DNAH14: variants seen among roughly 807,000 people sequenced by gnomAD.
The protein encoded by DNAH14 is dynein axonemal heavy chain 14.
A neutral mutation model predicts 520.9 loss-of-function variants in DNAH14; 478 were observed. That is an observed-to-expected ratio of 0.92 (90% CI 0.85 to 0.99). The LOEUF is 0.99. DNAH14 is among the 50% of genes least tolerant of loss of function. The pLI, the probability that DNAH14 is intolerant of heterozygous loss-of-function variation, is 0.00. For synonymous variants in DNAH14, 1,581 were observed against 1,757.2 expected, an observed-to-expected ratio of 0.90 and a Z score of 2.51; for missense variants, 4,831 against 5,234.5, an observed-to-expected ratio of 0.92 and a Z score of 2.38.
At chr1:224,933,063 A>T (rs2058797135) in intron 1 of DNAH14, among the ~76,000 whole-genome samples, 1 of 152,132 alleles carries the variant, frequency 6.6e-6, no homozygotes, top group Non-Finnish European at 1.5e-5. Flanking sequence ...ATCCATGAGC[A>T]TGGGATGCTT....
At chr1:225,264,284 A>G in intron 47 of DNAH14, 23 bp downstream of exon 47, 1 of 1,520,680 alleles carries the variant, frequency 6.6e-7, no homozygotes, top group African/African-American at 1.4e-5. Context: ...GTACAGTTTC[A>G]AAGCTATGCT....
chr1:225,361,303 A>G (rs1180901566), intron 75 of DNAH14, among the ~76,000 whole-genome samples: 2 of 152,180 alleles, frequency 1.3e-5, no homozygotes, highest in Admixed American at 6.5e-5. Context: ...TTTGCTTAGT[A>G]TCTATTCTGA....
chr1:225,238,245 G>A lies in DNAH14; in HGVS notation c.6519-2348G>A, dbSNP rs1421571814. 4.6e-5 allele frequency among the ~76,000 whole-genome samples: 7 copies of A among 152,190 alleles called. No homozygotes were observed. In the East Asian group the frequency reaches 9.7e-4, roughly 21 times the overall value. On this transcript the variant is annotated intron_variant, in intron 42 of 85. Coordinates refer to ENST00000682510, the MANE Select transcript of DNAH14 (RefSeq NM_001367479.1). The stretch of plus-strand genomic sequence containing the variant: ...GCATTGATTCTTTCTCATCTTTGTG[G>A]GCTTATCTATCTTAAATCTTTGATC...
At chr1:225,107,821 G>A (rs2076196297) in intron 23 of DNAH14, among the ~76,000 whole-genome samples, 1 of 151,976 alleles carries the variant, frequency 6.6e-6, no homozygotes, top group African/African-American at 2.4e-5. Flanking sequence ...CCTGTCTTTT[G>A]GAAAAAAGCC....
intron 8 of DNAH14, among the ~76,000 whole-genome samples, chr1:224,999,731 G>C (rs1250112807): frequency 2.6e-5 from 4 of 151,656 alleles, no homozygotes; most frequent in Non-Finnish European, 5.9e-5. Flanking sequence ...ATGTCTCTTT[G>C]TGTAGCTTTT....
chr1:225,368,024 G>C lies in DNAH14; in HGVS notation c.12310G>C (p.Asp4104His), dbSNP rs762713785. Reference protein sequence around the residue: ...WNIAYKFNSSDLGVAIKVLEN... With the variant: ...WNIAYKFNSSHLGVAIKVLEN... Reference sequence around the variant, plus strand: ...TATTGCTTATAAATTTAATTCTTCAGACTTGGGGGTAAGTGTAGTCTCTTC... The same window carrying C: ...TATTGCTTATAAATTTAATTCTTCACACTTGGGGGTAAGTGTAGTCTCTTC... The change falls in exon 77 of 86, where the codon GAC becomes CAC. Residue 4104 changes from aspartate (D) to histidine (H), a missense_variant. Physicochemically the swap from Asp to His is moderately conservative, Grantham distance 81 (BLOSUM62 -1). Transcript: ENST00000682510. 6.5e-7 allele frequency: 1 copy of C among 1,547,104 alleles called. No homozygotes were observed. The highest frequency in any genetic ancestry group is 8.7e-7 in the Non-Finnish European group (1 of 1,145,434).
At chr1:225,345,929 C>T in intron 69 of DNAH14, 33 bp from the exon 70 acceptor site, 1 of 1,502,638 alleles carries the variant, frequency 6.7e-7, no homozygotes, top group South Asian at 1.3e-5. Flanking sequence ...TTACAATAGT[C>T]TTTATTTAAC....
chr1:225,055,800 C>G (rs555989449), intron 17 of DNAH14, among the ~76,000 whole-genome samples: 1 of 151,174 alleles, frequency 6.6e-6, no homozygotes, highest in Non-Finnish European at 1.5e-5. Context: ...GTTTTTTGTC[C>G]TTGCGATAGT....
chr1:225,159,473 A>G lies in DNAH14; in HGVS notation c.5433A>G (p.Gln1811=), dbSNP rs2081335943. The change falls in exon 35 of 86, where the codon CAA becomes CAG. Residue 1811 remains glutamine, a synonymous_variant. Coordinates refer to ENST00000682510, the MANE Select transcript of DNAH14 (RefSeq NM_001367479.1). ...AAGTGACAGTTTTGAAAGTAAATCA[A>G]CTTGCCTTGGAGGTAAAAAGACCTT... ...FPEVTVLKVN[Q]LALEKVIYTA... is the part of the protein sequence containing the mutation. 3 of 1,531,740 alleles carry G rather than the reference A, an allele frequency of 2.0e-6. No individual in the cohort carries two copies. The highest frequency in any genetic ancestry group is 2.6e-6 in the Non-Finnish European group (3 of 1,139,324). The allele number at this position is 1,531,740 out of a possible 1,614,324, so 94.9% of individuals were successfully genotyped here. A position where few individuals can be genotyped will look rare whatever the true frequency, so the allele number is the denominator to read the frequency against.
intron 67 of DNAH14, among the ~76,000 whole-genome samples, chr1:225,337,828 G>T (rs2095090913): frequency 6.6e-6 from 1 of 152,120 alleles, no homozygotes; most frequent in South Asian, 2.1e-4. Flanking sequence ...GGAGAATGGG[G>T]TATCCATCCC....
At chr1:225,085,917 T>A (rs1225889234) in intron 21 of DNAH14, 128 bp downstream of exon 21, 3 of 996,352 alleles carry the variant, frequency 3.0e-6, no homozygotes, top group Non-Finnish European at 4.1e-6. Context: ...AAAATTACAA[T>A]GAATATTTAC....
chr1:224,943,602 G>A (rs1558468173), intron 1 of DNAH14, among the ~76,000 whole-genome samples: 1 of 152,078 alleles, frequency 6.6e-6, no homozygotes, highest in Admixed American at 6.6e-5. Flanking sequence ...GTCAATTTTA[G>A]ATCCTTCCTG....
chr1:225,161,468 C>G (rs2081513283), intron 35 of DNAH14, among the ~76,000 whole-genome samples: 1 of 152,176 alleles, frequency 6.6e-6, no homozygotes, highest in Non-Finnish European at 1.5e-5. Flanking sequence ...AACAGTACTG[C>G]AGCAAACATG....
At chr1:225,332,830 CAAAAAAAA>C (rs36110645) in intron 65 of DNAH14, among the ~76,000 whole-genome samples, 2 of 90,856 alleles carry the variant, frequency 2.2e-5, no homozygotes, top group African/African-American at 3.7e-5. Context: ...CCTGTCTCTA[CAAAAAAAA>C]AAAAAAAAAA....
chr1:225,035,210 A>G (rs2148145946), intron 11 of DNAH14, among the ~76,000 whole-genome samples: 2 of 152,186 alleles, frequency 1.3e-5, no homozygotes, highest in East Asian at 3.9e-4. Context: ...ATAGTTGCTC[A>G]TAATAGCCTC....
intron 23 of DNAH14, among the ~76,000 whole-genome samples, chr1:225,105,424 C>G (rs1272825638): frequency 1.3e-5 from 2 of 152,120 alleles, no homozygotes; most frequent in East Asian, 3.8e-4. Context: ...GAGCTGAGTT[C>G]AATTCCTGGA....
In DNAH14 at chr1:225,168,037, A is replaced by G. The variant is rs1001074523; in HGVS notation, c.5535+9A>G. The stretch of plus-strand genomic sequence containing the variant: ...TTTATAATCAACTTCAGGTAAGTAT[A>G]AAATGGCATGTTAGCAATCCTTTGC... On this transcript the variant is annotated intron_variant, in intron 36 of 85. Transcript: ENST00000682510. 6 of 1,423,394 alleles carry G rather than the reference A, an allele frequency of 4.2e-6. No individual in the cohort carries two copies. The African/African-American group carries it at 7.2e-5, about 17-fold the overall frequency. 88.2% of individuals were successfully genotyped at this position (1,423,394 alleles called of 1,614,324 possible). A position where few individuals can be genotyped will look rare whatever the true frequency, so the allele number is the denominator to read the frequency against.
chr1:225,002,687 C>A, intron 8 of DNAH14, 96 bp from the exon 9 acceptor site: 1 of 1,155,138 alleles, frequency 8.7e-7, no homozygotes, highest in Non-Finnish European at 1.2e-6. Context: ...AACATTTCAA[C>A]TATAAGGATA....
intron 41 of DNAH14, among the ~76,000 whole-genome samples, chr1:225,215,584 T>C (rs1006541905): frequency 4.6e-5 from 7 of 152,232 alleles, no homozygotes; most frequent in African/African-American, 1.7e-4. Context: ...TGCTCTTGTA[T>C]TGGGTGCATA....
Sources: allele counts gnomAD v4.1 joint callset (sites outside exome capture counted in the v4.1 genomes callset), GRCh38; gene constraint gnomAD v4.1.1; transcripts MANE v1.5; gene names NCBI Gene and HGNC (gene_info 2026-07-23, HGNC 2026-07-21).